The following EYS variants were observed in gnomAD, a reference collection of about 807,000 sequenced individuals.
EYS encodes the protein protein eyes shut homolog.
Under a neutral mutation model 282.1 loss-of-function variants are expected in EYS, and 250 were observed. That is an observed-to-expected ratio of 0.89 (90% CI 0.80 to 0.98). The LOEUF (loss-of-function observed/expected upper bound fraction) is 0.98. EYS is among the 50% of genes least tolerant of loss of function. EYS has a pLI of 0.00. For synonymous variants in EYS, 1,355 were observed against 1,282.9 expected, an observed-to-expected ratio of 1.06 and a Z score of -1.20; for missense variants, 4,016 against 3,709.0, an observed-to-expected ratio of 1.08 and a Z score of -2.15.
At chr6:64,472,253 A>G (rs981863201) in intron 26 of EYS, among the ~76,000 whole-genome samples, 2 of 152,202 alleles carry the variant, frequency 1.3e-5, no homozygotes, top group African/African-American at 4.8e-5. Context: ...TGCTGCTGTC[A>G]CTGCCATTTT....
intron 34 of EYS, among the ~76,000 whole-genome samples, chr6:63,991,968 C>G (rs1353475607): frequency 6.6e-6 from 1 of 151,704 alleles, no homozygotes; most frequent in Non-Finnish European, 1.5e-5. Context: ...TTAAAGGAAC[C>G]TGCAAACCAA....
chr6:64,743,711 T>C (rs1772450872), intron 22 of EYS, among the ~76,000 whole-genome samples: 1 of 152,154 alleles, frequency 6.6e-6, no homozygotes, highest in Admixed American at 6.5e-5. Flanking sequence ...GAGAAGTTAC[T>C]TGATTTTTTT....
intron 29 of EYS, among the ~76,000 whole-genome samples, chr6:64,386,744 G>C (rs1772923190): frequency 6.6e-6 from 1 of 151,920 alleles, no homozygotes; most frequent in Non-Finnish European, 1.5e-5. Flanking sequence ...TATATTTTTT[G>C]CCAATAATTA....
chr6:64,513,825 G>A (rs1196507287), intron 26 of EYS, among the ~76,000 whole-genome samples: 6 of 151,684 alleles, frequency 4.0e-5, no homozygotes, highest in South Asian at 2.1e-4. Flanking sequence ...TGTCAATGGC[G>A]GCCCAATCTT....
chr6:64,480,542 T>C (rs1364633019), intron 26 of EYS, among the ~76,000 whole-genome samples: 1 of 151,834 alleles, frequency 6.6e-6, no homozygotes, highest in Admixed American at 6.6e-5. Flanking sequence ...AAATGAAAGT[T>C]TGCAGCCTAA....
intron 33 of EYS, among the ~76,000 whole-genome samples, chr6:64,034,224 G>C (rs755168610): frequency 2.6e-5 from 4 of 152,144 alleles, no homozygotes; most frequent in Non-Finnish European, 4.4e-5. Flanking sequence ...AATAAAAAGT[G>C]ATAATACATG....
chr6:65,620,241 TG>T lies in EYS; in HGVS notation c.-333+19536del, dbSNP rs1419052744. 3.9e-5 allele frequency among the ~76,000 whole-genome samples: 6 copies of T among 152,192 alleles called. No homozygotes were observed. The South Asian group carries it at 1.0e-3, about 26-fold the overall frequency. ...TTGCCGCAATTTCAGATCCTGTTATTGGTCTATTCAGAGATTCAGCTTCTTC... is the reference window on the plus strand; with the variant it reads ...TTGCCGCAATTTCAGATCCTGTTATTGTCTATTCAGAGATTCAGCTTCTTC... On this transcript the variant is annotated intron_variant, in intron 2 of 42. Transcript: ENST00000503581.
intron 22 of EYS, among the ~76,000 whole-genome samples, chr6:64,747,765 G>T (rs574455959): frequency 6.6e-6 from 1 of 152,286 alleles, no homozygotes; most frequent in Non-Finnish European, 1.5e-5. Context: ...CACATTCAGG[G>T]ATTTACATTG....
chr6:64,547,354 C>T (rs1764910198), intron 26 of EYS, among the ~76,000 whole-genome samples: 1 of 152,052 alleles, frequency 6.6e-6, no homozygotes, highest in Non-Finnish European at 1.5e-5. Flanking sequence ...GCTGATTGGT[C>T]CGTTTTGACA....
chr6:64,659,652 C>A (rs1768916222), intron 22 of EYS, among the ~76,000 whole-genome samples: 2 of 152,102 alleles, frequency 1.3e-5, no homozygotes, highest in African/African-American at 2.4e-5. Flanking sequence ...TATATAAATT[C>A]CTTGACACAT....
intron 2 of EYS, among the ~76,000 whole-genome samples, chr6:65,589,936 T>G (rs1047375613): frequency 1.4e-4 from 21 of 152,092 alleles, no homozygotes; most frequent in African/African-American, 5.1e-4. Flanking sequence ...CTTTATAATG[T>G]CTACAATTGT....
At chr6:65,550,157 T>TATCTCC (rs1490044785) in intron 2 of EYS, among the ~76,000 whole-genome samples, 2 of 8,538 alleles carry the variant, frequency 2.3e-4, no homozygotes, top group Non-Finnish European at 3.1e-4. Flanking sequence ...TTTTTTTTTT[T>TATCTCC]TTTTTTTTTT....
chr6:65,532,641 G>A (rs553501294), intron 2 of EYS, among the ~76,000 whole-genome samples: 1 of 152,192 alleles, frequency 6.6e-6, no homozygotes, highest in Admixed American at 6.5e-5. Context: ...TTCACACCAG[G>A]ACAATCAGGA....
At chr6:64,610,563 C>T (rs1292917272) in intron 24 of EYS, among the ~76,000 whole-genome samples, 2 of 151,998 alleles carry the variant, frequency 1.3e-5, no homozygotes, top group Non-Finnish European at 2.9e-5. Context: ...ACTACCAAGC[C>T]TGGCTAATTT....
At chr6:64,932,767 G>A (rs981838849) in intron 15 of EYS, among the ~76,000 whole-genome samples, 1 of 151,912 alleles carries the variant, frequency 6.6e-6, no homozygotes, top group African/African-American at 2.4e-5. Context: ...AGATGTTTTA[G>A]TTCCAAAAAT....
chr6:65,148,374 A>T (rs532013870), intron 12 of EYS, among the ~76,000 whole-genome samples: 1 of 152,228 alleles, frequency 6.6e-6, no homozygotes, highest in Non-Finnish European at 1.5e-5. Flanking sequence ...GCAATTCTGA[A>T]ATCCAATAGA....
intron 12 of EYS, among the ~76,000 whole-genome samples, chr6:65,286,097 G>T (rs1401634279): frequency 6.6e-6 from 1 of 151,822 alleles, no homozygotes; most frequent in Admixed American, 6.6e-5. Flanking sequence ...AGAATTTGCA[G>T]CCAGAAAATT....
intron 12 of EYS, among the ~76,000 whole-genome samples, chr6:65,257,215 T>C (rs1387479978): frequency 1.7e-5 from 1 of 59,572 alleles, no homozygotes; most frequent in East Asian, 3.4e-4. Flanking sequence ...TCCCATGTTG[T>C]AGGTTGCCTG....
chr6:64,887,676 C>T (rs1025840553), intron 18 of EYS, among the ~76,000 whole-genome samples: 1 of 152,016 alleles, frequency 6.6e-6, no homozygotes, highest in Non-Finnish European at 1.5e-5. Flanking sequence ...CCATGCTCCT[C>T]CTTTTACTTC....
Sources: gnomAD v4.1 joint callset for allele counts (sites outside exome capture counted in the v4.1 genomes callset) on GRCh38, gnomAD v4.1.1 for gene constraint, MANE v1.5 for transcripts, NCBI Gene and HGNC (gene_info 2026-07-23, HGNC 2026-07-21) for gene names.